Variants in NDRG2 observed in about 807,000 individuals in gnomAD.
NDRG2 encodes the protein NDRG family member 2, also known as protein NDRG2.
NDRG2 carries 34 observed loss-of-function variants against 58.2 expected under a neutral mutation model. The observed-to-expected ratio is 0.58, with a 90% CI of 0.44 to 0.78. The LOEUF is 0.78. NDRG2 is among the 30% of genes least tolerant of loss of function. The pLI, the probability that NDRG2 is intolerant of heterozygous loss-of-function variation, is 0.00. For synonymous variants in NDRG2, 187 were observed against 175.9 expected (o/e 1.06, Z -0.50); for missense variants, 434 against 471.2 (o/e 0.92, Z 0.73).
At chr14:21,033,857 A>G (rs776353982) in intron 1 of NDRG2, 1 of 1,613,984 alleles carries the variant, frequency 6.2e-7, no homozygotes, top group East Asian at 2.2e-5. Context: ...CTATTGGATC[A>G]GCTTCATACT....
At chr14:21,050,272 A>G (rs1885406488) in intron 1 of NDRG2, among the ~76,000 whole-genome samples, 1 of 152,224 alleles carries the variant, frequency 6.6e-6, no homozygotes, top group African/African-American at 2.4e-5. Context: ...TGAGGAATTG[A>G]TGGCAAACTA....
chr14:21,044,869 T>C (rs57532215), intron 1 of NDRG2, among the ~76,000 whole-genome samples: 13,564 of 152,278 alleles, frequency 0.089, 1,365 homozygotes, highest in African/African-American at 0.25. Flanking sequence ...TGTGCTTTTT[T>C]ACTACTGACC....
chr14:21,020,018 A>G (rs1390552647), intron 8 of NDRG2, 42 bp from the exon 9 acceptor site: 1 of 1,579,556 alleles, frequency 6.3e-7, no homozygotes, highest in Non-Finnish European at 8.7e-7. Context: ...GGTATTGGCC[A>G]GGCACAGTGG....
At chr14:21,022,601 AG>A in intron 3 of NDRG2, 104 bp from the exon 4 acceptor site, 1 of 808,974 alleles carries the variant, frequency 1.2e-6, no homozygotes, top group Non-Finnish European at 2.0e-6. Flanking sequence ...AAGAGGGAAA[AG>A]GGAACAAAGA....
chr14:21,022,611 G>T (rs1366303342), intron 3 of NDRG2, 114 bp from the exon 4 acceptor site: 1 of 766,394 alleles, frequency 1.3e-6, no homozygotes, highest in Non-Finnish European at 2.1e-6. Context: ...AGGGAACAAA[G>T]AATTAAAAAC....
At chr14:21,021,914 C>T (rs1880615292) in intron 5 of NDRG2, 35 bp from the exon 6 acceptor site, 1 of 1,611,494 alleles carries the variant, frequency 6.2e-7, no homozygotes, top group African/African-American at 1.3e-5. Flanking sequence ...AAGATACCAA[C>T]CTGCCCTCAC....
At chr14:21,055,839 T>C (rs1347014307) in intron 1 of NDRG2, among the ~76,000 whole-genome samples, 4 of 152,144 alleles carry the variant, frequency 2.6e-5, no homozygotes, top group African/African-American at 9.6e-5. Flanking sequence ...AAGAGAGAAA[T>C]GACTTCCTGG....
intron 1 of NDRG2, chr14:21,033,817 A>G (rs1332609184): frequency 6.3e-7 from 1 of 1,597,624 alleles, no homozygotes; most frequent in Admixed American, 1.7e-5. Flanking sequence ...TGGCTCAGGA[A>G]TTAAATTCCC....
In NDRG2 at chr14:21,021,869, G is replaced by T. The variant is rs1280050316; in HGVS notation, c.355C>A (p.Pro119Thr). The T allele has an allele frequency of 1.2e-6, 2 of 1,613,036 alleles. No individual in the cohort carries two copies. ...APVFPLGYQY[P>T]SLDQLADMIP... ...ATGTCTGCAAGCTGGTCCAGAGATG[G>T]GTACTGATATCTGGAAAAGAGAGGC... Residue 119 changes from proline to threonine, a missense_variant, in exon 6 of 16, where the codon CCA becomes ACA. By Grantham distance (38) the Pro-to-Thr change is conservative (BLOSUM62 -1). Transcript: ENST00000556147.
chr14:21,052,721 A>G (rs1885521271), intron 1 of NDRG2, among the ~76,000 whole-genome samples: 1 of 152,236 alleles, frequency 6.6e-6, no homozygotes. Flanking sequence ...CAAGAGAACC[A>G]CTGGAGATAA....
intron 1 of NDRG2, chr14:21,035,972 C>T (rs944226250): frequency 3.3e-5 from 13 of 391,126 alleles, no homozygotes; most frequent in Middle Eastern, 3.7e-4. Flanking sequence ...TATCTGTTTA[C>T]GAAACCACTG....
At position 21,070,527 on chromosome 14, in the gene NDRG2, C is replaced by T; in HGVS notation, c.24+301G>A. ...GTTCGGCCCCTCTGGGACTCTCCTC[C>T]CTCCCATCCCCCCTTCTTCGATTTG... is the stretch of plus-strand genomic sequence containing the variant. On this transcript the variant is annotated intron_variant, in intron 1 of 14. Transcript: ENST00000403829. The surrounding 1 kb of genome is among the most constrained non-coding windows in gnomAD (Gnocchi z 4.7). 2 of 1,135,656 alleles carry T rather than the reference C, an allele frequency of 1.8e-6. No homozygotes were observed. Among genetic ancestry groups the T allele is most frequent in the Non-Finnish European group, 2.4e-6 (2 of 841,078 alleles). The allele number at this position is 1,135,656 out of a possible 1,614,324, so 70.3% of individuals were successfully genotyped here. A position where few individuals can be genotyped will look rare whatever the true frequency, so the allele number is the denominator to read the frequency against.
chr14:21,034,133 A>G (rs766043662), intron 1 of NDRG2: 2 of 1,614,226 alleles, frequency 1.2e-6, no homozygotes, highest in East Asian at 2.2e-5. Flanking sequence ...TCAGACCATT[A>G]CAATAGCCCC....
chr14:21,022,471 G>A lies in NDRG2; in HGVS notation c.144C>T (p.Gly48=), dbSNP rs201153002. 3.0e-5 allele frequency: 49 copies of A among 1,614,092 alleles called. No individual in the cohort carries two copies. The African/African-American group carries it at 5.5e-4, about 18-fold the overall frequency. ...TGCCATAGACAGTGAAAGTGACAGAGCCGTATGGTGTCTCCACAGAGTGAG... is the reference window on the plus strand; with the variant it reads ...TGCCATAGACAGTGAAAGTGACAGAACCGTATGGTGTCTCCACAGAGTGAG... ...GQTHSVETPY[G]SVTFTVYGTP... Residue 48 remains glycine (G), a synonymous_variant, in exon 4 of 16, where the codon GGC becomes GGT. Coordinates refer to ENST00000556147, the MANE Select transcript of NDRG2 (RefSeq NM_001320329.2).
chr14:21,040,433 C>A (rs1408864498), intron 1 of NDRG2, among the ~76,000 whole-genome samples: 1 of 152,186 alleles, frequency 6.6e-6, no homozygotes, highest in African/African-American at 2.4e-5. Flanking sequence ...AATTCTGGAC[C>A]AGAACACAAA....
chr14:21,065,872 G>A (rs1174984294), intron 1 of NDRG2, among the ~76,000 whole-genome samples: 1 of 152,204 alleles, frequency 6.6e-6, no homozygotes, highest in Admixed American at 6.5e-5. Context: ...GCCAAGGTGG[G>A]CGGATCACCT....
At chr14:21,031,337 A>G in intron 1 of NDRG2, 1 of 814,750 alleles carries the variant, frequency 1.2e-6, no homozygotes, top group Admixed American at 3.3e-5. Flanking sequence ...AAGGGAAGTG[A>G]CTTGCCCAAG....
chr14:21,043,492 A>G, intron 1 of NDRG2: 1 of 1,481,102 alleles, frequency 6.8e-7, no homozygotes, highest in Non-Finnish European at 9.2e-7. Flanking sequence ...TCTTTGGCTG[A>G]CCTTCAATTC....
chr14:21,046,059 ACTT>A (rs1241681896), intron 1 of NDRG2, among the ~76,000 whole-genome samples: 2 of 152,228 alleles, frequency 1.3e-5, no homozygotes, highest in African/African-American at 2.4e-5. Flanking sequence ...AAATATGTAT[ACTT>A]CTTAAGGGAT....
Sources: gnomAD v4.1 joint callset for allele counts (sites outside exome capture counted in the v4.1 genomes callset) on GRCh38, gnomAD v4.1.1 for gene constraint, Gnocchi (gnomAD v3.1) non-coding constraint, MANE v1.5 for transcripts, NCBI Gene and HGNC (gene_info 2026-07-23, HGNC 2026-07-21) for gene names.